Variants in CUL3 observed in about 807,000 individuals in gnomAD.
CUL3 encodes cullin-3.
Under a neutral mutation model 89.1 loss-of-function variants are expected in CUL3, and 19 were observed. The ratio of observed to expected loss-of-function variants is 0.21; its 90% CI spans 0.15 to 0.31. CUL3 has a LOEUF of 0.31. Ranked by LOEUF, CUL3 falls within the 10% of genes least tolerant of loss-of-function variation. CUL3 has a pLI of 1.00. For synonymous variants in CUL3, 351 were observed against 308.4 expected (o/e 1.14, Z -1.45); for missense variants, 469 against 942.3 (o/e 0.50, Z 6.58).
At chr2:224,478,564 A>C (rs1259536255) in intron 14 of CUL3, 4 of 407,620 alleles carry the variant, frequency 9.8e-6, no homozygotes, top group African/African-American at 8.1e-5. Flanking sequence ...TGAGATAATA[A>C]AGTTGATTTT....
chr2:224,537,694 C>CA (rs986101176), intron 2 of CUL3, among the ~76,000 whole-genome samples: 20 of 151,538 alleles, frequency 1.3e-4, no homozygotes, highest in Admixed American at 4.6e-4. Flanking sequence ...ACGCTACATA[C>CA]AAAAAAAATA....
chr2:224,577,326 T>C (rs578127367), intron 1 of CUL3, among the ~76,000 whole-genome samples: 2 of 152,106 alleles, frequency 1.3e-5, no homozygotes, highest in Non-Finnish European at 2.9e-5. Flanking sequence ...CCCAGCACTG[T>C]AGGAGGATGA....
chr2:224,555,930 C>G (rs1694693969), intron 2 of CUL3, among the ~76,000 whole-genome samples: 1 of 152,178 alleles, frequency 6.6e-6, no homozygotes, highest in African/African-American at 2.4e-5. Context: ...TCTCTCACAT[C>G]ACAATAAAAA....
At chr2:224,510,149 A>G (rs1310194125) in intron 6 of CUL3, among the ~76,000 whole-genome samples, 1 of 151,994 alleles carries the variant, frequency 6.6e-6, no homozygotes, top group African/African-American at 2.4e-5. Flanking sequence ...ATTCAACAAC[A>G]AAAAAGCTTG....
At chr2:224,490,887 G>C (rs1691946455) in intron 13 of CUL3, among the ~76,000 whole-genome samples, 1 of 152,004 alleles carries the variant, frequency 6.6e-6, no homozygotes, top group South Asian at 2.1e-4. Flanking sequence ...ATAATGCTAA[G>C]ATGGATACCC....
At chr2:224,516,422 T>G (rs970984239) in intron 3 of CUL3, among the ~76,000 whole-genome samples, 2 of 151,264 alleles carry the variant, frequency 1.3e-5, no homozygotes, top group African/African-American at 2.4e-5. Context: ...GTTTAAGCGA[T>G]TCTCCTGCCT....
intron 7 of CUL3, among the ~76,000 whole-genome samples, chr2:224,506,621 T>TA (rs1692613001): frequency 6.6e-6 from 1 of 152,228 alleles, no homozygotes; most frequent in African/African-American, 2.4e-5. Context: ...TGAGGCTATT[T>TA]AAACAAGGTC....
chr2:224,510,991 C>A (rs6743228), intron 6 of CUL3, among the ~76,000 whole-genome samples: 1 of 151,908 alleles, frequency 6.6e-6, no homozygotes, highest in African/African-American at 2.4e-5. Flanking sequence ...AAGAGAATCA[C>A]AAAACCCCAA....
At chr2:224,508,961 C>CAAAAAAAAAAAAA (rs3081932) in intron 6 of CUL3, among the ~76,000 whole-genome samples, 3 of 112,874 alleles carry the variant, frequency 2.7e-5, no homozygotes, top group African/African-American at 1.2e-4. Context: ...GACTTCGTCT[C>CAAAAAAAAAAAAA]AAAAAAAAAA....
At chr2:224,534,350 T>C (rs1693803791) in intron 3 of CUL3, among the ~76,000 whole-genome samples, 1 of 152,208 alleles carries the variant, frequency 6.6e-6, no homozygotes, top group South Asian at 2.1e-4. Flanking sequence ...GTGAAGAAGC[T>C]AATATCCTTA....
chr2:224,561,337 T>A (rs181280798), intron 1 of CUL3, among the ~76,000 whole-genome samples: 1 of 152,222 alleles, frequency 6.6e-6, no homozygotes. Context: ...TAAGCAACAT[T>A]GATCAGCTTC....
Position 224,585,358 on chromosome 2 carries a change from G to A in CUL3, c.-349C>T. Reference sequence around the variant, plus strand: ...CATCTCACTGCGCAGGCCGAACGTCGTCCTCCTCCTCCTCCTTCTCCTCCT... The same window carrying A: ...CATCTCACTGCGCAGGCCGAACGTCATCCTCCTCCTCCTCCTTCTCCTCCT... On this transcript the variant is annotated 5_prime_UTR_variant, in exon 1 of 16. The change creates a new upstream start codon in the 5' untranslated region. Transcript: ENST00000264414. 5.0e-6 allele frequency: 2 copies of A among 400,498 alleles called. No homozygotes were observed. Among genetic ancestry groups the A allele is most frequent in the Non-Finnish European group, 8.8e-6 (2 of 227,922 alleles). 24.8% of individuals were successfully genotyped at this position (400,498 alleles called of 1,614,324 possible). A position where few individuals can be genotyped will look rare whatever the true frequency, so the allele number is the denominator to read the frequency against.
In CUL3 at chr2:224,584,984, C is replaced by G; in HGVS notation, c.26G>C (p.Gly9Ala). Residue 9 changes from glycine (G) to alanine (A), a missense_variant, in exon 1 of 16, where the codon GGC becomes GCC. Transcript: ENST00000264414. ...CCGCATCTTGGTGTCCTTCCGGCTG[C>G]CCGTGCCTTTGCTCAGATTCGACAT... MSNLSKGT[G>A]SRKDTKMRIR... 1.3e-6 allele frequency: 2 copies of G among 1,509,260 alleles called. No individual in the cohort carries two copies. The highest frequency in any genetic ancestry group is 1.8e-6 in the Non-Finnish European group (2 of 1,117,820). The allele number at this position is 1,509,260 out of a possible 1,614,324, so 93.5% of individuals were successfully genotyped here. A position where few individuals can be genotyped will look rare whatever the true frequency, so the allele number is the denominator to read the frequency against.
At position 224,497,644 on chromosome 2, in the gene CUL3, C is replaced by T. The variant is rs188422174; in HGVS notation, c.1707+109G>A. ...TTTTTAACCTTTCTAACATGTGAGA[C>T]AGGCAGAGAAACAGAAGTAAGTAAT... On this transcript the variant is annotated intron_variant, in intron 12 of 15. Coordinates refer to ENST00000264414, the MANE Select transcript of CUL3 (RefSeq NM_003590.5). 45 of 767,070 alleles carry T rather than the reference C, an allele frequency of 5.9e-5. No individual in the cohort carries two copies. The African/African-American group carries it at 6.1e-4, about 10-fold the overall frequency. The allele number at this position is 767,070 out of a possible 1,614,324, so 47.5% of individuals were successfully genotyped here.
chr2:224,557,743 A>G lies in CUL3; in HGVS notation c.180T>C (p.Asn60=), dbSNP rs1042992076. The G allele has an allele frequency of 5.0e-6, 8 of 1,611,362 alleles. No individual in the cohort carries two copies. The highest frequency in any genetic ancestry group is 2.2e-5 in the East Asian group (1 of 44,762). The change falls in exon 2 of 16, where the codon AAT becomes AAC. Residue 60 remains asparagine, a synonymous_variant. Transcript: ENST00000264414. ...GTTTATGCAAAACCATTGTATATGC[A>G]TTTCTATAGAGCTCCTCAAAACTAA... ...SGLSFEELYR[N]AYTMVLHKHG... is the part of the protein sequence containing the mutation.
chr2:224,497,267 T>C (rs78710723), intron 12 of CUL3, among the ~76,000 whole-genome samples: 2,288 of 152,238 alleles, frequency 0.015, 57 homozygotes, highest in African/African-American at 0.051. Context: ...AAAAATGCGA[T>C]TGCTTTTTAA....
rs532967850 is a variant in CUL3, at chr2:224,473,951, T to C, written c.*294A>G. On this transcript the variant is annotated 3_prime_UTR_variant, in exon 16 of 16. Transcript: ENST00000264414. ...ATTGTAATGAGCTGTATTTTCTAAATTTCTCTTTTATTTTCCTGTTTTCAT... is the reference window on the plus strand; with the variant it reads ...ATTGTAATGAGCTGTATTTTCTAAACTTCTCTTTTATTTTCCTGTTTTCAT... The C allele has an allele frequency of 5.5e-4, 143 of 258,484 alleles. No individual in the cohort carries two copies. Among genetic ancestry groups the C allele is most frequent in the South Asian group, 1.8e-3 (12 of 6,794 alleles). 16.0% of individuals were successfully genotyped at this position (258,484 alleles called of 1,614,324 possible). A position where few individuals can be genotyped will look rare whatever the true frequency, so the allele number is the denominator to read the frequency against.
chr2:224,510,849 C>T lies in CUL3; in HGVS notation c.883+505G>A, dbSNP rs573825052. ...TTTTCCATTCTGTAACTTCAGTGTT[C>T]CCCAAACCAATCTAATTTATCTAAG... On this transcript the variant is annotated intron_variant, in intron 6 of 15. Coordinates refer to ENST00000264414, the MANE Select transcript of CUL3 (RefSeq NM_003590.5). Among the ~76,000 whole-genome samples the T allele has an allele frequency of 6.7e-4, 102 of 152,264 alleles. 4 individuals are homozygous for T. The South Asian group carries it at 0.021, about 31-fold the overall frequency.
intron 1 of CUL3, among the ~76,000 whole-genome samples, chr2:224,584,709 G>A (rs994147295): frequency 1.3e-5 from 2 of 149,198 alleles, no homozygotes; most frequent in East Asian, 3.9e-4. Context: ...AGCAGCTCCC[G>A]GACGGGGGCG....
Sources: gnomAD v4.1 joint callset for allele counts (sites outside exome capture counted in the v4.1 genomes callset) on GRCh38, gnomAD v4.1.1 for gene constraint, MANE v1.5 for transcripts, NCBI Gene and HGNC (gene_info 2026-07-23, HGNC 2026-07-21) for gene names.